The following PBX3 variants were observed in gnomAD, a reference collection of about 807,000 sequenced individuals.
PBX3 encodes the protein PBX homeobox 3, also known as pre-B-cell leukemia transcription factor 3.
Under a neutral mutation model 48.5 loss-of-function variants are expected in PBX3, and 14 were observed. The observed-to-expected ratio is 0.29, with a 90% CI of 0.19 to 0.45. The LOEUF (loss-of-function observed/expected upper bound fraction) is 0.45, where lower values mean the gene tolerates loss of function less well. Among genes scored for constraint, PBX3 ranks in the 20% least tolerant of loss-of-function variants. The probability of loss-of-function intolerance (pLI) is 1.00; values close to 1 mark genes in which losing one functional copy is unlikely to be tolerated. For synonymous variants in PBX3, 210 were observed against 200.3 expected (o/e 1.05, Z -0.41); for missense variants, 386 against 546.7 (o/e 0.71, Z 2.93).
chr9:125,810,261 T>C (rs375775638), intron 2 of PBX3, among the ~76,000 whole-genome samples: 2 of 152,280 alleles, frequency 1.3e-5, no homozygotes, highest in East Asian at 1.9e-4. Context: ...ATGACTCATG[T>C]TAGGTTAATA....
intron 2 of PBX3, among the ~76,000 whole-genome samples, chr9:125,900,196 C>T (rs533858944): frequency 1.4e-4 from 21 of 148,012 alleles, no homozygotes; most frequent in African/African-American, 5.2e-4. Context: ...ATTTGGTATG[C>T]CTTTCTCATT....
At chr9:125,951,299 A>G (rs1402056831) in intron 5 of PBX3, among the ~76,000 whole-genome samples, 1 of 152,156 alleles carries the variant, frequency 6.6e-6, no homozygotes, top group Non-Finnish European at 1.5e-5. Flanking sequence ...TGTGCAGAAC[A>G]ATAGCCCAGC....
chr9:125,748,427 C>T (rs1361441640), intron 1 of PBX3, 123 bp from the exon 2 acceptor site: 1 of 1,461,814 alleles, frequency 6.8e-7, no homozygotes, highest in Non-Finnish European at 9.1e-7. Context: ...TGACTTCCCA[C>T]GGTTCAAAAG....
chr9:125,861,345 C>T (rs1411525412), intron 2 of PBX3, among the ~76,000 whole-genome samples: 2 of 151,888 alleles, frequency 1.3e-5, no homozygotes, highest in African/African-American at 2.4e-5. Flanking sequence ...CAGATAATAA[C>T]AAGTGTTGGT....
rs747083036 is a variant in PBX3, at chr9:125,915,820, G to A, written c.409G>A (p.Ala137Thr). 9 of 1,613,810 alleles carry A rather than the reference G, an allele frequency of 5.6e-6. No individual in the cohort carries two copies. The highest frequency in any genetic ancestry group is 6.8e-6 in the Non-Finnish European group (8 of 1,180,008). ...ATCGGCGGCAGCAGCTGCAGCCGCG[G>A]CAGCCTCTGGAGGTTCTTCAGATAA... ...GGSAAAAAAAAASGGSSDNSI... is the reference protein window; with the variant it reads ...GGSAAAAAAATASGGSSDNSI... Residue 137 changes from alanine to threonine, a missense_variant, in exon 3 of 9, where the codon GCA (alanine) becomes ACA (threonine). Around this residue, in one of 4 missense-constraint regions of PBX3, gnomAD observed 69 missense variants for 99.1 expected, o/e 0.70. Transcript: ENST00000373489.
At chr9:125,829,530 C>A (rs1255287465) in intron 2 of PBX3, among the ~76,000 whole-genome samples, 1 of 152,084 alleles carries the variant, frequency 6.6e-6, no homozygotes, top group African/African-American at 2.4e-5. Context: ...AACTTTTGTA[C>A]ATACGTAAGT....
intron 3 of PBX3, among the ~76,000 whole-genome samples, chr9:125,925,995 T>G (rs1588302752): frequency 6.6e-6 from 1 of 152,354 alleles, no homozygotes; most frequent in Admixed American, 6.5e-5. Flanking sequence ...TTAGTTAACA[T>G]TCTATGGAAC....
At position 125,951,414 on chromosome 9, in the gene PBX3, C is replaced by T. The variant is rs1217933754; in HGVS notation, c.844-9270C>T. Among the ~76,000 whole-genome samples the T allele has an allele frequency of 5.3e-5, 8 of 152,104 alleles. 1 individual carries two copies. Among genetic ancestry groups the T allele is most frequent in the Non-Finnish European group, 1.0e-4 (7 of 68,010 alleles). ...TTTCCCTTCTTGCTGCTGCCTGTTC[C>T]CTCTTGCCAGTGTCTCACCAGCACT... On this transcript the variant is annotated intron_variant, in intron 5 of 8. Transcript: ENST00000373489.
Position 125,813,721 on chromosome 9 carries a change from G to A in PBX3, c.274+65098G>A, listed in dbSNP as rs139643487. Among the ~76,000 whole-genome samples, 708 of 152,038 alleles carry A rather than the reference G, an allele frequency of 4.7e-3. 1 individual carries two copies. Among genetic ancestry groups the A allele is most frequent in the Middle Eastern group, 0.017 (5 of 294 alleles). On this transcript the variant is annotated intron_variant, in intron 2 of 8. Coordinates refer to ENST00000373489, the MANE Select transcript of PBX3 (RefSeq NM_006195.6). Reference sequence around the variant, plus strand: ...TTGTCTTTGCCTTGTCCTAGCCCTGGAATCAACCGTTTCTTTAAGTATACT... The same window carrying A: ...TTGTCTTTGCCTTGTCCTAGCCCTGAAATCAACCGTTTCTTTAAGTATACT...
At chr9:125,929,100 C>T (rs958069042) in intron 3 of PBX3, among the ~76,000 whole-genome samples, 3 of 152,228 alleles carry the variant, frequency 2.0e-5, no homozygotes, top group Admixed American at 6.5e-5. Flanking sequence ...AAAGCTCAAT[C>T]CGTGAAGCCT....
At chr9:125,957,225 C>G (rs1564190995) in intron 5 of PBX3, among the ~76,000 whole-genome samples, 2 of 152,300 alleles carry the variant, frequency 1.3e-5, no homozygotes, top group South Asian at 2.1e-4. Context: ...AACGAATGAT[C>G]ACTGCTTCTT....
At chr9:125,825,185 G>A (rs1289886886) in intron 2 of PBX3, among the ~76,000 whole-genome samples, 1 of 152,144 alleles carries the variant, frequency 6.6e-6, no homozygotes, top group Admixed American at 6.5e-5. Flanking sequence ...TCAGGAGGCT[G>A]AGGTGGGAGG....
intron 2 of PBX3, among the ~76,000 whole-genome samples, chr9:125,845,155 TC>T (rs1307747097): frequency 1.3e-5 from 2 of 152,116 alleles, no homozygotes; most frequent in Non-Finnish European, 2.9e-5. Flanking sequence ...CCTAAATCTT[TC>T]GGAAAACCTT....
chr9:125,884,308 TGG>T (rs1181693219), intron 2 of PBX3, among the ~76,000 whole-genome samples: 4 of 152,302 alleles, frequency 2.6e-5, no homozygotes, highest in African/African-American at 7.2e-5. Flanking sequence ...GTGTTGCATA[TGG>T]TGATTATCTA....
chr9:125,901,198 T>A (rs1335398174), intron 2 of PBX3, among the ~76,000 whole-genome samples: 1 of 151,682 alleles, frequency 6.6e-6, no homozygotes, highest in Non-Finnish European at 1.5e-5. Flanking sequence ...GCCAGGGAGC[T>A]CAAAGGTGGC....
chr9:125,847,031 C>T (rs1839443234), intron 2 of PBX3, among the ~76,000 whole-genome samples: 1 of 151,728 alleles, frequency 6.6e-6, no homozygotes, highest in Admixed American at 6.6e-5. Context: ...CTTTGTATTT[C>T]CTACAAGTTG....
chr9:125,797,979 G>A (rs1484395487), intron 2 of PBX3, among the ~76,000 whole-genome samples: 9 of 152,064 alleles, frequency 5.9e-5, no homozygotes, highest in Non-Finnish European at 1.3e-4. Context: ...AATAGCAACC[G>A]GTTTCATTTT....
chr9:125,776,878 A>C (rs1482985604), intron 2 of PBX3, among the ~76,000 whole-genome samples: 1 of 152,154 alleles, frequency 6.6e-6, no homozygotes, highest in Non-Finnish European at 1.5e-5. Flanking sequence ...TCATGGAATC[A>C]GATAGAAGTA....
At chr9:125,898,635 G>A (rs1303421737) in intron 2 of PBX3, among the ~76,000 whole-genome samples, 2 of 151,642 alleles carry the variant, frequency 1.3e-5, no homozygotes, top group Non-Finnish European at 3.0e-5. Context: ...AAACTCAGGG[G>A]AGGCATGACT....
Sources: gnomAD v4.1 joint callset for allele counts (sites outside exome capture counted in the v4.1 genomes callset) on GRCh38, gnomAD v4.1.1 for gene constraint, gnomAD v4.1.1 regional missense constraint, MANE v1.5 for transcripts, NCBI Gene and HGNC (gene_info 2026-07-23, HGNC 2026-07-21) for gene names.